CDH4: variants seen among roughly 807,000 people sequenced by gnomAD.
CDH4 encodes cadherin-4.
Under a neutral mutation model 86.0 loss-of-function variants are expected in CDH4, and 33 were observed. That is an observed-to-expected ratio of 0.38 (90% CI 0.29 to 0.51). The LOEUF is 0.51. CDH4 is among the 20% of genes least tolerant of loss of function. CDH4 has a pLI of 0.86. For missense variants in CDH4, 1,114 were observed against 1,307.4 expected (o/e 0.85, Z 2.28); for synonymous variants, 555 against 549.4 (o/e 1.01, Z -0.14).
rs368607717 is a variant in CDH4 at position 61,501,658 on chromosome 20, C to T, written c.170-241905C>T. Among the ~76,000 whole-genome samples, 52 of 152,168 alleles carry T rather than the reference C, an allele frequency of 3.4e-4. No homozygotes were observed. The highest frequency in any genetic ancestry group is 3.4e-3 in the Middle Eastern group (1 of 294). On this transcript the variant is annotated intron_variant, in intron 2 of 15. Coordinates refer to ENST00000614565, the MANE Select transcript of CDH4 (RefSeq NM_001794.5). This position sits in a 1 kb window ranked among gnomAD's most constrained non-coding sequence, Gnocchi z 4.2. ...AAGGCCACACAGAAGCAGCGTGTTC[C>T]GGAAAGCATGCCGTGCCCTGTGAAC...
chr20:61,880,331 C>G (rs1042629147), intron 7 of CDH4, among the ~76,000 whole-genome samples: 1 of 152,182 alleles, frequency 6.6e-6, no homozygotes, highest in Non-Finnish European at 1.5e-5. Flanking sequence ...TTTTGAATCA[C>G]TGTCATGGAA....
intron 4 of CDH4, among the ~76,000 whole-genome samples, chr20:61,797,639 T>A (rs949761414): frequency 1.3e-5 from 2 of 149,414 alleles, no homozygotes; most frequent in African/African-American, 4.9e-5. Context: ...TAAAAAAAAA[T>A]TGCCAGGCGT....
chr20:61,754,939 C>G lies in CDH4; in HGVS notation c.396+11150C>G, dbSNP rs571013004. On this transcript the variant is annotated intron_variant, in intron 3 of 15. Coordinates refer to ENST00000614565, the MANE Select transcript of CDH4 (RefSeq NM_001794.5). This position sits in a 1 kb window ranked among gnomAD's most constrained non-coding sequence, Gnocchi z 4.7. Reference sequence around the variant, plus strand: ...CCTGTATTAGTCCGTTTTCACACTACTGATAAAGACATACTCGAGACTGGG... The same window carrying G: ...CCTGTATTAGTCCGTTTTCACACTAGTGATAAAGACATACTCGAGACTGGG... The G allele has an allele frequency of 1.3e-5, 2 of 152,430 alleles. No individual in the cohort carries two copies. The highest frequency in any genetic ancestry group is 4.1e-4 in the South Asian group (2 of 4,826). The allele number at this position is 152,430 out of a possible 1,614,324, so 9.4% of individuals were successfully genotyped here.
At chr20:61,561,393 CA>C in intron 2 of CDH4, among the ~76,000 whole-genome samples, 1 of 152,354 alleles carries the variant, frequency 6.6e-6, no homozygotes, top group South Asian at 2.1e-4. Flanking sequence ...AGAGCACGAG[CA>C]GTGGGTGATT....
rs777391433 is a variant in CDH4, at chr20:61,936,948, C to T, written c.*5C>T. 6.4e-6 allele frequency: 10 copies of T among 1,557,094 alleles called. No individual in the cohort carries two copies. Among genetic ancestry groups the T allele is most frequent in the South Asian group, 1.2e-5 (1 of 83,408 alleles). On this transcript the variant is annotated 3_prime_UTR_variant, in exon 16 of 16. Coordinates refer to ENST00000614565, the MANE Select transcript of CDH4 (RefSeq NM_001794.5). ...GGAGGTGGTGAAGAGGATTGACTGA[C>T]CTCGCATCTTCGGACCGAAGTGAGA...
chr20:61,656,258 T>C (rs558289903), intron 2 of CDH4, among the ~76,000 whole-genome samples: 1,849 of 91,046 alleles, frequency 0.02, 28 homozygotes, highest in Middle Eastern at 0.03. Flanking sequence ...CGTGCTGGGG[T>C]GGGCAGGCGC....
intron 2 of CDH4, among the ~76,000 whole-genome samples, chr20:61,383,104 T>C (rs1299404575): frequency 1.7e-5 from 2 of 116,528 alleles, no homozygotes; most frequent in Non-Finnish European, 3.4e-5. Flanking sequence ...TATATGAATA[T>C]ATTATATATA....
chr20:61,811,869 A>C lies in CDH4; in HGVS notation c.577-32799A>C, dbSNP rs1330601192. 2.0e-5 allele frequency among the ~76,000 whole-genome samples: 3 copies of C among 151,704 alleles called. No homozygotes were observed. ...GTATTTTTAGTAGAGATGGGGTTTC[A>C]CCATGTTGGCCAGGCTGGTCTCGAA... On this transcript the variant is annotated intron_variant, in intron 4 of 15. Coordinates refer to ENST00000614565, the MANE Select transcript of CDH4 (RefSeq NM_001794.5). This position sits in a 1 kb window ranked among gnomAD's most constrained non-coding sequence, Gnocchi z 4.4.
chr20:61,349,600 C>A (rs2123296854), intron 2 of CDH4, among the ~76,000 whole-genome samples: 1 of 152,286 alleles, frequency 6.6e-6, no homozygotes, highest in African/African-American at 2.4e-5. Context: ...TGTGTATGGA[C>A]CTGGGGTATG....
intron 2 of CDH4, among the ~76,000 whole-genome samples, chr20:61,420,138 T>C (rs966859602): frequency 1.3e-5 from 2 of 152,234 alleles, no homozygotes; most frequent in Non-Finnish European, 2.9e-5. Flanking sequence ...ATCTGGGCTC[T>C]TACAAGTGGT....
At chr20:61,805,539 G>A (rs1053422126) in intron 4 of CDH4, among the ~76,000 whole-genome samples, 10 of 152,232 alleles carry the variant, frequency 6.6e-5, no homozygotes, top group South Asian at 2.1e-4. Flanking sequence ...GCCCTCCTGC[G>A]AGGAAACACA....
chr20:61,721,110 C>T (rs1212803233), intron 2 of CDH4, among the ~76,000 whole-genome samples: 1 of 152,206 alleles, frequency 6.6e-6, no homozygotes, highest in African/African-American at 2.4e-5. Flanking sequence ...AGGAGCTAAG[C>T]GCACAGTGGG....
intron 2 of CDH4, among the ~76,000 whole-genome samples, chr20:61,344,661 A>C (rs962453974): frequency 6.6e-6 from 1 of 152,186 alleles, no homozygotes; most frequent in Non-Finnish European, 1.5e-5. Flanking sequence ...AGAGAGTTTC[A>C]TACATGCTGC....
intron 8 of CDH4, among the ~76,000 whole-genome samples, chr20:61,908,584 G>A (rs753956016): frequency 2.6e-5 from 4 of 152,336 alleles, no homozygotes; most frequent in African/African-American, 4.8e-5. Context: ...TGTGGCAGAC[G>A]CGGTCTGCTG....
rs79612181 is a variant in CDH4, at chr20:61,697,160, C to T, written c.170-46403C>T. On this transcript the variant is annotated intron_variant, in intron 2 of 15. Transcript: ENST00000614565. ...CCCCAATTGCAAACATTCGGATGTG[C>T]GGATGAAGGATCCTAGGGGTTCCTG... is the stretch of plus-strand genomic sequence containing the variant. 5.3e-3 allele frequency among the ~76,000 whole-genome samples: 806 copies of T among 152,122 alleles called. 5 individuals carry two copies. Among genetic ancestry groups the T allele is most frequent in the African/African-American group, 0.019 (771 of 41,480 alleles).
chr20:61,288,251 C>T (rs1020957062), intron 2 of CDH4, among the ~76,000 whole-genome samples: 2 of 152,058 alleles, frequency 1.3e-5, no homozygotes, highest in East Asian at 1.9e-4. Context: ...GAGTGATCCA[C>T]GAAAATGAGG....
chr20:61,437,352 C>T (rs764657322), intron 2 of CDH4: 1 of 152,200 alleles, frequency 6.6e-6, no homozygotes, highest in Non-Finnish European at 1.5e-5. Flanking sequence ...TTCTTTGGAA[C>T]GGTGCTTAAA....
chr20:61,866,826 C>A (rs559485936), intron 6 of CDH4, among the ~76,000 whole-genome samples: 1 of 152,178 alleles, frequency 6.6e-6, no homozygotes, highest in East Asian at 1.9e-4. Context: ...GATTCCTGAA[C>A]GTAGCAAAAA....
chr20:61,482,762 C>T (rs1282647229), intron 2 of CDH4, among the ~76,000 whole-genome samples: 2 of 152,128 alleles, frequency 1.3e-5, no homozygotes, highest in African/African-American at 4.8e-5. Context: ...GGGCAATGAG[C>T]CGAGTTGTTG....
Sources: gnomAD v4.1 joint callset for allele counts (sites outside exome capture counted in the v4.1 genomes callset) on GRCh38, gnomAD v4.1.1 for gene constraint, Gnocchi (gnomAD v3.1) non-coding constraint, MANE v1.5 for transcripts, NCBI Gene and HGNC (gene_info 2026-07-23, HGNC 2026-07-21) for gene names.